The following LRMDA variants were observed in gnomAD, a reference collection of about 807,000 sequenced individuals.
The protein encoded by LRMDA is leucine rich melanocyte differentiation associated.
LRMDA carries 18 observed loss-of-function variants against 29.8 expected under a neutral mutation model. The observed-to-expected ratio is 0.60, with a 90% CI of 0.42 to 0.90. LRMDA has a LOEUF of 0.90. Ranked by LOEUF, LRMDA falls within the 40% of genes least tolerant of loss-of-function variation. The probability of loss-of-function intolerance (pLI) is 0.00; values close to 1 mark genes in which losing one functional copy is unlikely to be tolerated. For missense variants in LRMDA, 273 were observed against 273.9 expected, an observed-to-expected ratio of 1.00 and a Z score of 0.02; for synonymous variants, 125 against 109.4, an observed-to-expected ratio of 1.14 and a Z score of -0.89.
intron 5 of LRMDA, among the ~76,000 whole-genome samples, chr10:76,072,688 G>A (rs1217710803): frequency 6.6e-6 from 1 of 152,200 alleles, no homozygotes; most frequent in African/African-American, 2.4e-5. Flanking sequence ...TTTGGTTCAG[G>A]GGGAATGGGA....
chr10:75,950,950 A>T (rs1041169152), intron 2 of LRMDA, among the ~76,000 whole-genome samples: 2 of 152,204 alleles, frequency 1.3e-5, no homozygotes, highest in African/African-American at 4.8e-5. Context: ...AAAGCAGGGT[A>T]AGATCCATGT....
chr10:76,230,197 C>T (rs1178983075), intron 5 of LRMDA, among the ~76,000 whole-genome samples: 2 of 152,098 alleles, frequency 1.3e-5, no homozygotes, highest in Non-Finnish European at 2.9e-5. Context: ...GAGAGGGAAA[C>T]TTGTCCCTTT....
At chr10:75,970,476 C>T (rs1209195464) in intron 2 of LRMDA, among the ~76,000 whole-genome samples, 2 of 152,238 alleles carry the variant, frequency 1.3e-5, no homozygotes, top group Non-Finnish European at 2.9e-5. Flanking sequence ...TTCTGCTGCT[C>T]AAACATTCTT....
intron 6 of LRMDA, among the ~76,000 whole-genome samples, chr10:76,508,532 A>G (rs1048140734): frequency 1.3e-5 from 2 of 150,036 alleles, no homozygotes; most frequent in African/African-American, 4.9e-5. Flanking sequence ...GTTGTTATTT[A>G]TGTTGTTGAT....
At chr10:75,602,948 C>T (rs906964347) in intron 2 of LRMDA, among the ~76,000 whole-genome samples, 1 of 152,162 alleles carries the variant, frequency 6.6e-6, no homozygotes, top group African/African-American at 2.4e-5. Flanking sequence ...CCTCATACTT[C>T]TTTTTCCCAC....
chr10:76,394,418 G>C (rs755035020), intron 6 of LRMDA, among the ~76,000 whole-genome samples: 10 of 152,080 alleles, frequency 6.6e-5, no homozygotes, highest in Non-Finnish European at 1.0e-4. Context: ...TTGTCAACTT[G>C]TGAAAAAATA....
At chr10:75,475,702 C>T (rs12264109) in intron 2 of LRMDA, among the ~76,000 whole-genome samples, 1,818 of 152,160 alleles carry the variant, frequency 0.012, 46 homozygotes, top group African/African-American at 0.042. Context: ...CAATAGTCAC[C>T]CATCAGGCTT....
chr10:76,520,100 G>C (rs549192043), intron 6 of LRMDA, among the ~76,000 whole-genome samples: 1 of 152,094 alleles, frequency 6.6e-6, no homozygotes, highest in Non-Finnish European at 1.5e-5. Context: ...TACTTTTCTT[G>C]TGTTGGAGTA....
intron 5 of LRMDA, among the ~76,000 whole-genome samples, chr10:76,075,187 C>T (rs1848937916): frequency 6.6e-6 from 1 of 152,210 alleles, no homozygotes; most frequent in African/African-American, 2.4e-5. Context: ...GATGCCCTCA[C>T]CTCAGATTGT....
intron 2 of LRMDA, among the ~76,000 whole-genome samples, chr10:75,844,053 C>T (rs1487269183): frequency 1.3e-5 from 2 of 152,106 alleles, no homozygotes; most frequent in African/African-American, 4.8e-5. Flanking sequence ...GAGTGACTCC[C>T]TGGGCTAATT....
intron 2 of LRMDA, among the ~76,000 whole-genome samples, chr10:75,982,042 C>A (rs1482460254): frequency 1.3e-5 from 2 of 152,112 alleles, no homozygotes; most frequent in Admixed American, 6.5e-5. Context: ...TATGTGCCCC[C>A]CTTTTTGCTA....
In LRMDA at chr10:76,165,551, C is replaced by T. The variant is rs111407725; in HGVS notation, c.516+106768C>T. Among the ~76,000 whole-genome samples, 445 of 152,302 alleles carry T rather than the reference C, an allele frequency of 2.9e-3. 3 individuals are homozygous for T. The highest frequency in any genetic ancestry group is 0.01 in the African/African-American group (422 of 41,582). On this transcript the variant is annotated intron_variant, in intron 5 of 6. Transcript: ENST00000611255. ...CCTCTCAAAGTGCTGGGATTACAGG[C>T]GTGAGCCATTGCACCCAGCCAAGAA...
intron 5 of LRMDA, among the ~76,000 whole-genome samples, chr10:76,307,935 C>T (rs913277793): frequency 1.3e-5 from 2 of 152,128 alleles, no homozygotes; most frequent in Admixed American, 1.3e-4. Flanking sequence ...CATGACTTAC[C>T]ATCAAAAGGA....
At chr10:75,578,235 A>AAAAAAAAAC (rs1840535665) in intron 2 of LRMDA, among the ~76,000 whole-genome samples, 1 of 148,108 alleles carries the variant, frequency 6.8e-6, no homozygotes, top group Non-Finnish European at 1.5e-5. Flanking sequence ...AAAAAAAAAA[A>AAAAAAAAAC]AAAAGCAGCA....
intron 2 of LRMDA, among the ~76,000 whole-genome samples, chr10:75,596,783 A>C (rs183314356): frequency 1.3e-5 from 2 of 152,234 alleles, no homozygotes; most frequent in East Asian, 3.9e-4. Context: ...TTACTCTCAT[A>C]TCTAGCTGGG....
chr10:76,412,366 T>C (rs576050726), intron 6 of LRMDA, among the ~76,000 whole-genome samples: 2 of 152,336 alleles, frequency 1.3e-5, no homozygotes, highest in Admixed American at 6.5e-5. Flanking sequence ...TCTTCTGATG[T>C]AAGACTTCAG....
At chr10:75,639,800 C>T (rs1841429616) in intron 2 of LRMDA, among the ~76,000 whole-genome samples, 1 of 152,210 alleles carries the variant, frequency 6.6e-6, no homozygotes, top group Non-Finnish European at 1.5e-5. Context: ...GTAGGTCCAT[C>T]TTGGTGGCAT....
chr10:76,349,898 C>T (rs947504288), intron 6 of LRMDA, among the ~76,000 whole-genome samples: 2 of 151,940 alleles, frequency 1.3e-5, no homozygotes, highest in Non-Finnish European at 2.9e-5. Flanking sequence ...TCAATATGAA[C>T]TATACTCATA....
chr10:75,970,142 C>T (rs965542543), intron 2 of LRMDA, among the ~76,000 whole-genome samples: 8 of 152,210 alleles, frequency 5.3e-5, no homozygotes, highest in Admixed American at 5.2e-4. Flanking sequence ...TAATCAAACA[C>T]TGATCTTCCC....
Sources: gnomAD v4.1 joint callset for allele counts (sites outside exome capture counted in the v4.1 genomes callset) on GRCh38, gnomAD v4.1.1 for gene constraint, MANE v1.5 for transcripts, NCBI Gene and HGNC (gene_info 2026-07-23, HGNC 2026-07-21) for gene names.